PHF21A: variants seen among roughly 807,000 people sequenced by gnomAD.
PHF21A encodes BHC80a.
A neutral mutation model predicts 82.5 loss-of-function variants in PHF21A; 11 were observed. That is an observed-to-expected ratio of 0.13 (90% CI 0.08 to 0.22). The LOEUF is 0.22. Among genes scored for constraint, PHF21A ranks in the 10% least tolerant of loss-of-function variants. PHF21A has a pLI of 1.00. For missense variants in PHF21A, 579 were observed against 837.8 expected (o/e 0.69, Z 3.81); for synonymous variants, 297 against 302.8 (o/e 0.98, Z 0.20).
chr11:46,001,745 T>C (rs2137038882), intron 6 of PHF21A, among the ~76,000 whole-genome samples: 1 of 152,334 alleles, frequency 6.6e-6, no homozygotes, highest in East Asian at 1.9e-4. Context: ...GAAACCTTTC[T>C]GTTCTGCACT....
intron 9 of PHF21A, among the ~76,000 whole-genome samples, chr11:45,967,854 G>T (rs1195802459): frequency 6.6e-6 from 1 of 152,186 alleles, no homozygotes; most frequent in Non-Finnish European, 1.5e-5. Flanking sequence ...CTATAGACAT[G>T]TATCTCTAAA....
intron 15 of PHF21A, among the ~76,000 whole-genome samples, chr11:45,940,660 A>ATTTT (rs61166313): frequency 0.87 from 132,723 of 152,054 alleles, 58,241 homozygotes; most frequent in East Asian, 1. Flanking sequence ...TTCATTATTA[A>ATTTT]AATCAGGCTG....
intron 6 of PHF21A, among the ~76,000 whole-genome samples, chr11:45,987,113 G>C (rs1465481942): frequency 6.6e-6 from 1 of 152,104 alleles, no homozygotes; most frequent in Non-Finnish European, 1.5e-5. Context: ...AAGCACAGTG[G>C]CTCATGCCTG....
chr11:46,086,005 T>C (rs1202528156), intron 3 of PHF21A, among the ~76,000 whole-genome samples: 2 of 152,166 alleles, frequency 1.3e-5, no homozygotes, highest in African/African-American at 2.4e-5. Flanking sequence ...AAAAATTTAC[T>C]GTATAATGAT....
intron 10 of PHF21A, among the ~76,000 whole-genome samples, chr11:45,955,599 A>G (rs537895576): frequency 6.6e-6 from 1 of 152,232 alleles, no homozygotes; most frequent in Non-Finnish European, 1.5e-5. Flanking sequence ...ATTCCTTTCC[A>G]CTAAAAAATT....
intron 7 of PHF21A, among the ~76,000 whole-genome samples, chr11:45,979,282 G>A (rs1397034914): frequency 6.6e-6 from 1 of 152,076 alleles, no homozygotes; most frequent in African/African-American, 2.4e-5. Context: ...GCCTCCCAAA[G>A]TGCTGGGATT....
chr11:46,103,725 T>A (rs2097124415), intron 1 of PHF21A, among the ~76,000 whole-genome samples: 1 of 152,220 alleles, frequency 6.6e-6, no homozygotes, highest in African/African-American at 2.4e-5. Flanking sequence ...GGTAAGCTAT[T>A]ACAAATACAT....
intron 6 of PHF21A, among the ~76,000 whole-genome samples, chr11:45,992,071 G>A (rs1490491383): frequency 6.6e-6 from 1 of 152,202 alleles, no homozygotes; most frequent in Non-Finnish European, 1.5e-5. Flanking sequence ...ATCAACTGGA[G>A]AGGCAGTGCC....
rs181153964 is a variant in PHF21A at position 46,011,045 on chromosome 11, A to G, written c.154-31079T>C. ...AGAAAACAGGCATCTGCTTAATTAT[A>G]GTTCCCTTTCCCCTTTATCACAAAA... On this transcript the variant is annotated intron_variant, in intron 6 of 18. Coordinates refer to ENST00000676320, the MANE Select transcript of PHF21A (RefSeq NM_001352027.3). 1.7e-3 allele frequency among the ~76,000 whole-genome samples: 262 copies of G among 152,306 alleles called. 1 individual carries two copies. Among genetic ancestry groups the G allele is most frequent in the African/African-American group, 5.9e-3 (246 of 41,556 alleles).
chr11:45,939,690 T>A (rs886161639), intron 15 of PHF21A, among the ~76,000 whole-genome samples: 1 of 142,402 alleles, frequency 7.0e-6, no homozygotes, highest in Non-Finnish European at 1.5e-5. Flanking sequence ...AGGACTCAGG[T>A]AAGTCTGCTG....
chr11:46,075,941 T>C (rs2096719182), intron 6 of PHF21A, among the ~76,000 whole-genome samples: 1 of 152,224 alleles, frequency 6.6e-6, no homozygotes, highest in South Asian at 2.1e-4. Flanking sequence ...GCATGAAATA[T>C]CAACTGCAAA....
chr11:46,074,470 A>G (rs1037592464), intron 6 of PHF21A, among the ~76,000 whole-genome samples: 4 of 151,558 alleles, frequency 2.6e-5, no homozygotes, highest in African/African-American at 9.7e-5. Context: ...GGAGGGGGGA[A>G]GGCATATAGC....
At chr11:45,941,550 T>C (rs2090343545) in intron 15 of PHF21A, among the ~76,000 whole-genome samples, 1 of 152,124 alleles carries the variant, frequency 6.6e-6, no homozygotes, top group Non-Finnish European at 1.5e-5. Context: ...TATGACTCCC[T>C]GAAAGAGTCT....
At chr11:45,974,507 G>A (rs916033820) in intron 7 of PHF21A, among the ~76,000 whole-genome samples, 1 of 152,024 alleles carries the variant, frequency 6.6e-6, no homozygotes, top group Non-Finnish European at 1.5e-5. Flanking sequence ...AGGCTAGAGT[G>A]CAGTGGCGTA....
chr11:46,007,717 A>G (rs893965520), intron 6 of PHF21A, among the ~76,000 whole-genome samples: 3 of 151,684 alleles, frequency 2.0e-5, no homozygotes, highest in African/African-American at 7.3e-5. Flanking sequence ...AGTTACATTA[A>G]TTTAAATCAA....
At chr11:45,973,168 T>C (rs778032298) in intron 7 of PHF21A, among the ~76,000 whole-genome samples, 1 of 152,226 alleles carries the variant, frequency 6.6e-6, no homozygotes, top group African/African-American at 2.4e-5. Context: ...AGCTCCTCAG[T>C]TGCACTAGCC....
At chr11:46,030,750 G>GT (rs1013433710) in intron 6 of PHF21A, among the ~76,000 whole-genome samples, 33 of 149,024 alleles carry the variant, frequency 2.2e-4, no homozygotes, top group Non-Finnish European at 3.0e-4. Flanking sequence ...ATTTACTTCA[G>GT]TTTTTTTTTA....
intron 6 of PHF21A, among the ~76,000 whole-genome samples, chr11:45,992,004 T>G (rs1366794765): frequency 6.6e-6 from 1 of 152,186 alleles, no homozygotes; most frequent in Non-Finnish European, 1.5e-5. Context: ...CAAGTAATAT[T>G]AATACAAGAG....
intron 6 of PHF21A, among the ~76,000 whole-genome samples, chr11:46,072,449 G>A (rs922657512): frequency 6.6e-6 from 1 of 152,216 alleles, no homozygotes; most frequent in African/African-American, 2.4e-5. Context: ...TGCTGAGAAT[G>A]GCAGAGCAAC....
Sources: gnomAD v4.1 joint callset for allele counts (sites outside exome capture counted in the v4.1 genomes callset) on GRCh38, gnomAD v4.1.1 for gene constraint, MANE v1.5 for transcripts, NCBI Gene and HGNC (gene_info 2026-07-23, HGNC 2026-07-21) for gene names.